CPA6: variants seen among roughly 807,000 people sequenced by gnomAD.
The protein encoded by CPA6 is carboxypeptidase B.
In CPA6, 58 loss-of-function variants were observed where a neutral mutation model predicts 63.3. The ratio of observed to expected loss-of-function variants is 0.92; its 90% CI spans 0.74 to 1.14. CPA6 has a LOEUF of 1.14. CPA6 is among the 50% of genes most tolerant of loss of function. CPA6 has a pLI of 0.00. For missense variants in CPA6, 565 were observed against 526.6 expected (o/e 1.07, Z -0.71); for synonymous variants, 185 against 179.0 (o/e 1.03, Z -0.27).
At chr8:67,726,738 A>C (rs1350445422) in intron 1 of CPA6, among the ~76,000 whole-genome samples, 1 of 152,238 alleles carries the variant, frequency 6.6e-6, no homozygotes, top group Non-Finnish European at 1.5e-5. Flanking sequence ...AGGTTCTGGC[A>C]TTATTCTAAG....
At chr8:67,568,690 C>A (rs756734828) in intron 2 of CPA6, among the ~76,000 whole-genome samples, 1 of 152,158 alleles carries the variant, frequency 6.6e-6, no homozygotes, top group African/African-American at 2.4e-5. Context: ...GAGACCTAAC[C>A]TATGCATAAT....
At chr8:67,653,132 TG>T (rs1208483022) in intron 1 of CPA6, among the ~76,000 whole-genome samples, 9 of 151,982 alleles carry the variant, frequency 5.9e-5, no homozygotes, top group Non-Finnish European at 1.3e-4. Context: ...CATGCTGTTT[TG>T]GTTACTGTAG....
intron 1 of CPA6, among the ~76,000 whole-genome samples, chr8:67,694,887 C>T (rs989487763): frequency 8.6e-5 from 13 of 152,014 alleles, no homozygotes; most frequent in Admixed American, 3.9e-4. Context: ...GATGTCCAGA[C>T]GTGTGATTAT....
intron 2 of CPA6, among the ~76,000 whole-genome samples, chr8:67,585,702 T>C (rs947222699): frequency 6.6e-6 from 1 of 152,156 alleles, no homozygotes; most frequent in African/African-American, 2.4e-5. Flanking sequence ...AGGTTTGATA[T>C]GTTGATATGA....
At chr8:67,493,769 G>GCTTTT (rs1811652893) in intron 6 of CPA6, among the ~76,000 whole-genome samples, 1 of 151,424 alleles carries the variant, frequency 6.6e-6, no homozygotes, top group Non-Finnish European at 1.5e-5. Flanking sequence ...ATGTTTTATT[G>GCTTTT]CTTTTCTTTT....
chr8:67,680,474 G>A (rs930196355), intron 1 of CPA6, among the ~76,000 whole-genome samples: 2 of 148,396 alleles, frequency 1.3e-5, no homozygotes, highest in African/African-American at 5.0e-5. Context: ...GCAATGGAGT[G>A]AGACCCTCTG....
chr8:67,560,138 A>G (rs1813170236), intron 2 of CPA6, among the ~76,000 whole-genome samples: 2 of 130,324 alleles, frequency 1.5e-5, no homozygotes, highest in African/African-American at 6.0e-5. Context: ...GACAGTTGGT[A>G]TCACATCTTC....
intron 6 of CPA6, among the ~76,000 whole-genome samples, chr8:67,500,950 C>G (rs988551831): frequency 6.6e-6 from 1 of 151,998 alleles, no homozygotes; most frequent in Admixed American, 6.6e-5. Context: ...ACCACACACT[C>G]TTAATTATTG....
chr8:67,593,064 C>G (rs1409027764), intron 2 of CPA6, among the ~76,000 whole-genome samples: 20 of 149,888 alleles, frequency 1.3e-4, no homozygotes, highest in Non-Finnish European at 2.5e-4. Flanking sequence ...GAATGTGTCC[C>G]AGAGATTCTG....
chr8:67,654,562 T>C (rs1324924180), intron 1 of CPA6, among the ~76,000 whole-genome samples: 1 of 152,164 alleles, frequency 6.6e-6, no homozygotes, highest in Non-Finnish European at 1.5e-5. Flanking sequence ...TGATGGTAGT[T>C]TGTATTTCTG....
chr8:67,615,173 A>G lies in CPA6; in HGVS notation c.192+9003T>C, dbSNP rs1051041141. On this transcript the variant is annotated intron_variant, in intron 2 of 10. Coordinates refer to ENST00000297770, the MANE Select transcript of CPA6 (RefSeq NM_020361.5). ...CCTCTAAAACCAAGCAAGGCAGGGGAAATCTCTGCAGATTTATACAGCTAG... is the reference window on the plus strand; with the variant it reads ...CCTCTAAAACCAAGCAAGGCAGGGGGAATCTCTGCAGATTTATACAGCTAG... Among the ~76,000 whole-genome samples, 9 of 152,284 alleles carry G rather than the reference A, an allele frequency of 5.9e-5. 1 individual carries two copies. In the East Asian group the frequency reaches 1.7e-3, roughly 29 times the overall value.
At chr8:67,711,514 T>A (rs1422035419) in intron 1 of CPA6, among the ~76,000 whole-genome samples, 1 of 152,214 alleles carries the variant, frequency 6.6e-6, no homozygotes, top group African/African-American at 2.4e-5. Flanking sequence ...GAGTGGGCAC[T>A]AGCCCTCCTC....
At chr8:67,517,820 C>T in intron 3 of CPA6, 103 bp downstream of exon 3, 1 of 1,231,420 alleles carries the variant, frequency 8.1e-7, no homozygotes, top group Non-Finnish European at 1.1e-6. Context: ...AAAATTGTAC[C>T]CAAAACACTG....
intron 1 of CPA6, among the ~76,000 whole-genome samples, chr8:67,725,528 T>C (rs1817580644): frequency 1.3e-5 from 2 of 152,256 alleles, no homozygotes; most frequent in South Asian, 4.1e-4. Context: ...GTATTTTACA[T>C]TTCGTTTTTT....
chr8:67,475,250 A>C lies in CPA6; in HGVS notation c.838+8518T>G, dbSNP rs7815069. ...GTAAGTTCCGGAGAATCAAGTGCAG[A>C]TAAGATTGTTTTAGATACACTATGA... On this transcript the variant is annotated intron_variant, in intron 8 of 10. Coordinates refer to ENST00000297770, the MANE Select transcript of CPA6 (RefSeq NM_020361.5). 2.4e-4 allele frequency among the ~76,000 whole-genome samples: 37 copies of C among 152,112 alleles called. No homozygotes were observed. The South Asian group carries it at 7.5e-3, about 31-fold the overall frequency.
In CPA6 at chr8:67,447,505, A is replaced by G. The variant is rs924116947; in HGVS notation, c.839-13265T>C. On this transcript the variant is annotated intron_variant, in intron 8 of 10. Coordinates refer to ENST00000297770, the MANE Select transcript of CPA6 (RefSeq NM_020361.5). ...CCTGGGCTGAAGGAGATATGTGTGT[A>G]TACACACACACACACACACACACAC... is the stretch of plus-strand genomic sequence containing the variant. Among the ~76,000 whole-genome samples the G allele has an allele frequency of 2.7e-5, 3 of 113,044 alleles. No individual in the cohort carries two copies. The East Asian group carries it at 6.9e-4, about 26-fold the overall frequency. 74.2% of individuals were successfully genotyped at this position (113,044 alleles called of 152,430 possible).
At chr8:67,580,030 G>A (rs1813727115) in intron 2 of CPA6, among the ~76,000 whole-genome samples, 1 of 152,338 alleles carries the variant, frequency 6.6e-6, no homozygotes, top group East Asian at 1.9e-4. Context: ...AAGGCAGAGA[G>A]TGTCTTTCAG....
In CPA6 at chr8:67,511,606, G is replaced by C. The variant is rs886044613; in HGVS notation, c.367C>G (p.His123Asp). Reference sequence around the variant, plus strand: ...AGGGATCTTCGGTTTCTCTGGGTGTGCAAGCTGCTTCCCTTCTCCAGTGTT... The same window carrying C: ...AGGGATCTTCGGTTTCTCTGGGTGTCCAAGCTGCTTCCCTTCTCCAGTGTT... ...QKTLEKGSSL[H>D]TQRNRRSLSG... The change falls in exon 4 of 11, where the codon CAC (histidine) becomes GAC (aspartate). Residue 123 changes from histidine (H) to aspartate (D), a missense_variant. Transcript: ENST00000297770. The C allele has an allele frequency of 6.2e-7, 1 of 1,612,510 alleles. No homozygotes were observed. The highest frequency in any genetic ancestry group is 1.7e-5 in the Admixed American group (1 of 60,002).
At chr8:67,611,891 G>A (rs996364393) in intron 2 of CPA6, among the ~76,000 whole-genome samples, 1 of 152,116 alleles carries the variant, frequency 6.6e-6, no homozygotes, top group Non-Finnish European at 1.5e-5. Context: ...TCTGATAGAG[G>A]GGAAGATGCT....
Sources: gnomAD v4.1 joint callset for allele counts (sites outside exome capture counted in the v4.1 genomes callset) on GRCh38, gnomAD v4.1.1 for gene constraint, MANE v1.5 for transcripts, NCBI Gene and HGNC (gene_info 2026-07-23, HGNC 2026-07-21) for gene names.